Variants in MYBPC1 observed in about 807,000 individuals in gnomAD.
The protein encoded by MYBPC1 is myosin binding protein C1.
MYBPC1 carries 52 observed loss-of-function variants against 147.1 expected under a neutral mutation model. That is an observed-to-expected ratio of 0.35 (90% CI 0.28 to 0.45). The LOEUF (loss-of-function observed/expected upper bound fraction) is 0.45, where lower values mean the gene tolerates loss of function less well. Ranked by LOEUF, MYBPC1 falls within the 20% of genes least tolerant of loss-of-function variation. The pLI, the probability that MYBPC1 is intolerant of heterozygous loss-of-function variation, is 1.00. For synonymous variants in MYBPC1, 477 were observed against 475.9 expected (o/e 1.00, Z -0.03); for missense variants, 1,228 against 1,440.3 (o/e 0.85, Z 2.39).
At chr12:101,639,343 C>T (rs957637841) in intron 10 of MYBPC1, among the ~76,000 whole-genome samples, 1 of 152,200 alleles carries the variant, frequency 6.6e-6, no homozygotes, top group Non-Finnish European at 1.5e-5. Flanking sequence ...TTTCTCCTCA[C>T]TGTAACTTAA....
chr12:101,694,114 A>T, the MYBPC1 span, among the ~76,000 whole-genome samples: 1 of 152,334 alleles, frequency 6.6e-6, no homozygotes, highest in South Asian at 2.1e-4. Context: ...TGTGGGAAAA[A>T]TAAACCTCTA....
At chr12:101,601,855 A>C (rs1270831198) in intron 1 of MYBPC1, among the ~76,000 whole-genome samples, 1 of 152,174 alleles carries the variant, frequency 6.6e-6, no homozygotes, top group Admixed American at 6.5e-5. Flanking sequence ...TGCCTTCTAA[A>C]AATTTTAATG....
Position 101,617,308 on chromosome 12 carries a change from A to G in MYBPC1, c.103+65A>G, listed in dbSNP as rs969454343. 4 of 1,508,992 alleles carry G rather than the reference A, an allele frequency of 2.7e-6. No homozygotes were observed. The African/African-American group carries it at 5.5e-5, about 21-fold the overall frequency. The allele number at this position is 1,508,992 out of a possible 1,614,324, so 93.5% of individuals were successfully genotyped here. On this transcript the variant is annotated intron_variant, in intron 3 of 31. Coordinates refer to ENST00000361466, the MANE Select transcript of MYBPC1 (RefSeq NM_002465.4). ...AATTAGAAGCAGAAAGAAGTCAGTA[A>G]TGATTGTCATGGTGGCTCCATAGAA...
chr12:101,613,543 G>C (rs554106550), intron 1 of MYBPC1, among the ~76,000 whole-genome samples: 42 of 152,326 alleles, frequency 2.8e-4, no homozygotes, highest in African/African-American at 9.9e-4. Context: ...TCATGAGTGA[G>C]TGATACTCAC....
In MYBPC1 at chr12:101,646,881, G is replaced by T. The variant is rs190129005; in HGVS notation, c.1084G>T (p.Val362Leu). 1 of 1,614,080 alleles carries T rather than the reference G, an allele frequency of 6.2e-7. No homozygotes were observed. The highest frequency in any genetic ancestry group is 2.2e-5 in the East Asian group (1 of 44,868). Reference protein sequence around the residue: ...GDEKCSTELFVREPPIMVTKQ... With the variant: ...GDEKCSTELFLREPPIMVTKQ... ...TGAGAAATGTTCCACTGAGCTCTTC[G>T]TAAGAGGTAAAAATGAAATCTCTTA... Residue 362 changes from valine (V) to leucine (L), a missense_variant, in exon 13 of 32, where the codon GTA (valine) becomes TTA (leucine). Coordinates refer to ENST00000361466, the MANE Select transcript of MYBPC1 (RefSeq NM_002465.4).
At chr12:101,638,794 T>A (rs189465223) in intron 10 of MYBPC1, among the ~76,000 whole-genome samples, 2 of 152,260 alleles carry the variant, frequency 1.3e-5, no homozygotes, top group East Asian at 3.9e-4. Context: ...AGCCAACATG[T>A]CTCCAGTTCT....
downstream of MYBPC1, among the ~76,000 whole-genome samples, chr12:101,689,020 T>G (rs1346305080): frequency 1.3e-5 from 2 of 150,156 alleles, no homozygotes; most frequent in Admixed American, 6.6e-5. Flanking sequence ...TTATAATGTA[T>G]AAGACTAGTA....
chr12:101,675,544 T>C, intron 26 of MYBPC1, 113 bp downstream of exon 26: 1 of 1,481,184 alleles, frequency 6.8e-7, no homozygotes, highest in Non-Finnish European at 9.4e-7. Context: ...TATGGAGAAG[T>C]GATGTGGCAG....
rs979379642 is a variant in MYBPC1, at chr12:101,642,128, A to G, written c.666-291A>G. Among the ~76,000 whole-genome samples, 5 of 152,168 alleles carry G rather than the reference A, an allele frequency of 3.3e-5. No homozygotes were observed. In the East Asian group the frequency reaches 7.7e-4, roughly 23 times the overall value. The stretch of plus-strand genomic sequence containing the variant: ...AGACTTTAAATTTGAAAATAAGTAA[A>G]ATATATTTTTAGGCTATTTCCTGAT... On this transcript the variant is annotated intron_variant, in intron 10 of 31. Transcript: ENST00000361466.
At chr12:101,622,327 G>A (rs780725751) in intron 3 of MYBPC1, among the ~76,000 whole-genome samples, 19 of 152,050 alleles carry the variant, frequency 1.2e-4, no homozygotes, top group Non-Finnish European at 2.2e-4. Context: ...CAGTCTCATC[G>A]AACTCAACCA....
In MYBPC1 at chr12:101,631,630, A is replaced by G. The variant is rs1410546508; in HGVS notation, c.349A>G (p.Ile117Val). 3 of 1,614,196 alleles carry G rather than the reference A, an allele frequency of 1.9e-6. No individual in the cohort carries two copies. The highest frequency in any genetic ancestry group is 1.7e-5 in the Admixed American group (1 of 60,034). ...TGAAGATCTTCTGAGAAAACCCACT[A>G]TCAAATGGTTCAAAGGAAAATGGAT... ...KAEDLLRKPT[I>V]KWFKGKWMDL... Residue 117 changes from isoleucine (I) to valine (V), a missense_variant, in exon 7 of 32, where the codon ATC becomes GTC. Physicochemically the swap from Ile to Val is conservative, Grantham distance 29. This residue lies in a region of MYBPC1 where 1,077 missense variants were observed against 1,314.2 expected (regional missense o/e 0.82). Coordinates refer to ENST00000361466, the MANE Select transcript of MYBPC1 (RefSeq NM_002465.4).
Position 101,642,604 on chromosome 12 carries a change from G to T in MYBPC1, c.832+19G>T. 6.2e-7 allele frequency: 1 copy of T among 1,602,628 alleles called. No individual in the cohort carries two copies. The highest frequency in any genetic ancestry group is 1.7e-5 in the Admixed American group (1 of 58,136). ...AGCGCAGGTGAGCGCTCCCGGGGGC[G>T]AGGCAGCGGCCGAGGGGCGTGGCAG... On this transcript the variant is annotated intron_variant, in intron 11 of 31. Coordinates refer to ENST00000361466, the MANE Select transcript of MYBPC1 (RefSeq NM_002465.4).
At chr12:101,638,369 A>G (rs948984334) in intron 10 of MYBPC1, among the ~76,000 whole-genome samples, 2 of 152,218 alleles carry the variant, frequency 1.3e-5, no homozygotes, top group Non-Finnish European at 2.9e-5. Context: ...CATGGACTGG[A>G]GTCTCAGCTC....
intron 10 of MYBPC1, among the ~76,000 whole-genome samples, chr12:101,640,867 C>T (rs1034114913): frequency 2.0e-5 from 3 of 152,092 alleles, no homozygotes; most frequent in African/African-American, 7.2e-5. Context: ...TGGTGGCCAG[C>T]ACTTTGGGAT....
chr12:101,648,692 CAG>C (rs1178817753), intron 14 of MYBPC1, among the ~76,000 whole-genome samples: 1 of 152,088 alleles, frequency 6.6e-6, no homozygotes, highest in Admixed American at 6.6e-5. Context: ...CATAGTACCT[CAG>C]GGGAAAAAAA....
chr12:101,618,452 G>T (rs1355886243), intron 3 of MYBPC1, among the ~76,000 whole-genome samples: 1 of 152,158 alleles, frequency 6.6e-6, no homozygotes, highest in Non-Finnish European at 1.5e-5. Context: ...GGAGGTTTGG[G>T]CATCCTGGCT....
chr12:101,640,880 C>T lies in MYBPC1; in HGVS notation c.666-1539C>T, dbSNP rs745809278. Among the ~76,000 whole-genome samples the T allele has an allele frequency of 1.8e-4, 28 of 152,028 alleles. 1 individual carries two copies. Among genetic ancestry groups the T allele is most frequent in the Non-Finnish European group, 2.5e-4 (17 of 67,972 alleles). On this transcript the variant is annotated intron_variant, in intron 10 of 31. Transcript: ENST00000361466. ...TGTGGTGGCCAGCACTTTGGGATGC[C>T]GAGGTGGACGGATCACTTGAGGTCA...
In MYBPC1 at chr12:101,632,040, A is replaced by G; in HGVS notation, c.458A>G (p.Gln153Arg). The G allele has an allele frequency of 6.2e-7, 1 of 1,613,268 alleles. No homozygotes were observed. The highest frequency in any genetic ancestry group is 2.2e-5 in the East Asian group (1 of 44,884). Residue 153 changes from glutamine to arginine, a missense_variant, in exon 8 of 32, where the codon CAG (glutamine) becomes CGG (arginine). Around this residue, in one of 2 missense-constraint regions of MYBPC1, gnomAD observed 1,077 missense variants for 1,314.2 expected, o/e 0.82. Coordinates refer to ENST00000361466, the MANE Select transcript of MYBPC1 (RefSeq NM_002465.4). ...RHSRVYTFEM[Q>R]IIKAKDNFAG... ...TTGCAGGTGTACACATTTGAGATGC[A>G]GATCATCAAGGCCAAAGATAACTTT...
intron 5 of MYBPC1, 156 bp downstream of exon 5, chr12:101,627,960 T>C (rs1262143433): frequency 1.2e-6 from 1 of 868,838 alleles, no homozygotes; most frequent in African/African-American, 1.7e-5. Flanking sequence ...AGAAAACTAA[T>C]GTATTGAGAA....
Sources: gnomAD v4.1 joint callset for allele counts (sites outside exome capture counted in the v4.1 genomes callset) on GRCh38, gnomAD v4.1.1 for gene constraint, gnomAD v4.1.1 regional missense constraint, MANE v1.5 for transcripts, NCBI Gene and HGNC (gene_info 2026-07-23, HGNC 2026-07-21) for gene names.